The following COL24A1 variants were observed in gnomAD, a reference collection of about 807,000 sequenced individuals.
COL24A1 encodes the protein collagen alpha-1(XXIV) chain.
In COL24A1, 224 loss-of-function variants were observed where a neutral mutation model predicts 253.9. The observed-to-expected ratio is 0.88, with a 90% CI of 0.79 to 0.99. COL24A1 has a LOEUF of 0.99. Among genes scored for constraint, COL24A1 ranks in the 50% least tolerant of loss-of-function variants. COL24A1 has a pLI of 0.00. For missense variants in COL24A1, 2,131 were observed against 2,068.5 expected (o/e 1.03, Z -0.59); for synonymous variants, 685 against 673.7 (o/e 1.02, Z -0.26).
chr1:86,123,173 A>G (rs1240206508), intron 3 of COL24A1, among the ~76,000 whole-genome samples: 1 of 151,962 alleles, frequency 6.6e-6, no homozygotes, highest in Non-Finnish European at 1.5e-5. Context: ...AAGGAACTCA[A>G]TAAATGATAG....
chr1:86,065,001 A>C (rs1701366749), intron 7 of COL24A1, among the ~76,000 whole-genome samples: 1 of 152,210 alleles, frequency 6.6e-6, no homozygotes, highest in Non-Finnish European at 1.5e-5. Context: ...AAATATCCAC[A>C]AAGCTAAGTT....
rs192640022 is a variant in COL24A1, at chr1:85,755,281, C to T, written c.4437+6115G>A. 7.3e-3 allele frequency among the ~76,000 whole-genome samples: 1,110 copies of T among 152,092 alleles called. 49 individuals are homozygous for T. The highest frequency in any genetic ancestry group is 0.065 in the Admixed American group (993 of 15,252). On this transcript the variant is annotated intron_variant, in intron 55 of 59. Transcript: ENST00000370571. ...GACAATTTATCACTAACATACCTTCCCTAGAAAAATATTATAGGGAGTCAT... is the reference window on the plus strand; with the variant it reads ...GACAATTTATCACTAACATACCTTCTCTAGAAAAATATTATAGGGAGTCAT...
intron 24 of COL24A1, among the ~76,000 whole-genome samples, chr1:85,925,515 G>A (rs1183471165): frequency 9.9e-5 from 15 of 152,024 alleles, no homozygotes; most frequent in Non-Finnish European, 1.3e-4. Context: ...CAGAAATAAC[G>A]CCGCATATCT....
rs1172735158 is a variant in COL24A1 at position 86,017,156 on chromosome 1, G to T, written c.2305C>A (p.Pro769Thr). ...ACTTTCCACCAATATTTTACCTCTG[G>T]TCCTGGAGGGCCAGATGGTCCTTGG... is the stretch of plus-strand genomic sequence containing the variant. ...GLQGPSGPPGPEGFPGDIGIP... is the reference protein window; with the variant it reads ...GLQGPSGPPGTEGFPGDIGIP... The change falls in exon 19 of 60, where the codon CCA becomes ACA. Residue 769 changes from proline (P) to threonine (T), a missense_variant. Transcript: ENST00000370571. The T allele has an allele frequency of 6.3e-7, 1 of 1,593,498 alleles. No individual in the cohort carries two copies. The highest frequency in any genetic ancestry group is 1.1e-5 in the South Asian group (1 of 88,260).
intron 55 of COL24A1, among the ~76,000 whole-genome samples, chr1:85,758,635 A>C (rs1274323555): frequency 6.6e-6 from 1 of 152,118 alleles, no homozygotes. Flanking sequence ...AAGTTACTTT[A>C]GTTTCATAGG....
chr1:86,107,303 T>C lies in COL24A1; in HGVS notation c.1599+5264A>G, dbSNP rs529233941. Among the ~76,000 whole-genome samples the C allele has an allele frequency of 8.5e-5, 13 of 152,304 alleles. No homozygotes were observed. In the East Asian group the frequency reaches 2.1e-3, roughly 25 times the overall value. ...CAGAAGGTAATAAAGCCTGCTCTCATAGTACTTATGATTGGGATAAAACTA... is the reference window on the plus strand; with the variant it reads ...CAGAAGGTAATAAAGCCTGCTCTCACAGTACTTATGATTGGGATAAAACTA... On this transcript the variant is annotated intron_variant, in intron 5 of 59. Coordinates refer to ENST00000370571, the MANE Select transcript of COL24A1 (RefSeq NM_152890.7).
chr1:85,804,632 C>T (rs1189321582), intron 47 of COL24A1, among the ~76,000 whole-genome samples: 2 of 152,116 alleles, frequency 1.3e-5, no homozygotes, highest in African/African-American at 4.8e-5. Flanking sequence ...AGAGCTTGTG[C>T]AGGGCAACTC....
intron 35 of COL24A1, 67 bp downstream of exon 35, chr1:85,874,577 TTCGAA>T: frequency 7.3e-7 from 1 of 1,372,216 alleles, no homozygotes; most frequent in African/African-American, 1.4e-5. Context: ...TTTTGAGTGT[TTCGAA>T]TAATAAGTTT....
intron 45 of COL24A1, among the ~76,000 whole-genome samples, chr1:85,821,753 G>T (rs561056697): frequency 6.6e-6 from 1 of 152,122 alleles, no homozygotes; most frequent in African/African-American, 2.4e-5. Context: ...GCTCCAACAC[G>T]CAGGGATTGT....
chr1:85,743,805 GAAGTT>G (rs1314211745), intron 57 of COL24A1, among the ~76,000 whole-genome samples: 10 of 152,044 alleles, frequency 6.6e-5, no homozygotes, highest in African/African-American at 2.4e-4. Context: ...AATATCTTTA[GAAGTT>G]AAGTGTTTGA....
chr1:86,121,153 C>T (rs1647282187), intron 3 of COL24A1, among the ~76,000 whole-genome samples: 1 of 151,964 alleles, frequency 6.6e-6, no homozygotes, highest in Non-Finnish European at 1.5e-5. Context: ...GGGTGAAGGG[C>T]AGGGGGAGGG....
At chr1:85,905,585 C>A (rs1684737811) in intron 28 of COL24A1, among the ~76,000 whole-genome samples, 1 of 151,868 alleles carries the variant, frequency 6.6e-6, no homozygotes, top group South Asian at 2.1e-4. Flanking sequence ...TGTCTGGATA[C>A]TGGGTAAAAA....
intron 32 of COL24A1, among the ~76,000 whole-genome samples, chr1:85,879,044 C>T (rs965427203): frequency 1.3e-5 from 2 of 151,896 alleles, no homozygotes; most frequent in South Asian, 2.1e-4. Context: ...TCTTCATTCT[C>T]TTAACAGTGT....
At chr1:85,975,919 A>G (rs973019586) in intron 20 of COL24A1, among the ~76,000 whole-genome samples, 1 of 152,208 alleles carries the variant, frequency 6.6e-6, no homozygotes, top group Non-Finnish European at 1.5e-5. Flanking sequence ...AGCGTGAAAC[A>G]TAAAAGTAGA....
chr1:85,823,518 TA>T lies in COL24A1; in HGVS notation c.3789+17del. 6.2e-7 allele frequency: 1 copy of T among 1,613,000 alleles called. No individual in the cohort carries two copies. The highest frequency in any genetic ancestry group is 8.5e-7 in the Non-Finnish European group (1 of 1,179,224). The stretch of plus-strand genomic sequence containing the variant: ...GCTAACAATACATCTCAAATTGCCT[TA>T]AATAATTTCAACTTACTTCAGATCC... On this transcript the variant is annotated intron_variant, in intron 45 of 59. Coordinates refer to ENST00000370571, the MANE Select transcript of COL24A1 (RefSeq NM_152890.7).
chr1:86,118,066 C>CT (rs35013223), intron 3 of COL24A1, among the ~76,000 whole-genome samples: 131,856 of 146,878 alleles, frequency 0.9, 59,213 homozygotes, highest in South Asian at 0.93. Flanking sequence ...GTCTAATTAA[C>CT]TTTTTTTTTT....
intron 5 of COL24A1, among the ~76,000 whole-genome samples, chr1:86,104,248 ACTGGCTATTTTGC>A: frequency 6.6e-6 from 1 of 151,682 alleles, no homozygotes; most frequent in Non-Finnish European, 1.5e-5. Context: ...TCTTTTCTAT[ACTGGCTATTTTGC>A]CTGTCAGCTC....
At chr1:85,977,879 C>T (rs1178500618) in intron 20 of COL24A1, among the ~76,000 whole-genome samples, 2 of 152,130 alleles carry the variant, frequency 1.3e-5, no homozygotes, top group Non-Finnish European at 2.9e-5. Flanking sequence ...GATCAAAGAA[C>T]AGCTGGGAAA....
At chr1:85,906,899 T>C (rs1684891360) in intron 28 of COL24A1, among the ~76,000 whole-genome samples, 3 of 151,850 alleles carry the variant, frequency 2.0e-5, no homozygotes, top group Admixed American at 2.0e-4. Context: ...ATCTTCACAT[T>C]TACCATTCTC....
Sources: gnomAD v4.1 joint callset for allele counts (sites outside exome capture counted in the v4.1 genomes callset) on GRCh38, gnomAD v4.1.1 for gene constraint, MANE v1.5 for transcripts, NCBI Gene and HGNC (gene_info 2026-07-23, HGNC 2026-07-21) for gene names.